Variants in DNM3 observed in about 807,000 individuals in gnomAD.
DNM3 encodes the protein dynamin-3.
A neutral mutation model predicts 101.6 loss-of-function variants in DNM3; 47 were observed. That is an observed-to-expected ratio of 0.46 (90% confidence interval 0.37 to 0.59). The LOEUF (loss-of-function observed/expected upper bound fraction) is 0.59, where lower values mean the gene tolerates loss of function less well. DNM3 is among the 20% of genes least tolerant of loss of function. DNM3 has a pLI of 0.00. For synonymous variants in DNM3, 385 were observed against 387.9 expected, an observed-to-expected ratio of 0.99 and a Z score of 0.09; for missense variants, 849 against 1,085.7, an observed-to-expected ratio of 0.78 and a Z score of 3.06.
intron 14 of DNM3, among the ~76,000 whole-genome samples, chr1:172,180,267 A>G (rs1481411336): frequency 2.6e-5 from 4 of 152,080 alleles, no homozygotes; most frequent in African/African-American, 9.7e-5. Context: ...TGTTTACTGC[A>G]TGCTAACCAA....
chr1:172,312,567 C>G (rs2065127614), intron 16 of DNM3, among the ~76,000 whole-genome samples: 1 of 152,114 alleles, frequency 6.6e-6, no homozygotes. Context: ...TTATGTCACT[C>G]ATATCAAAAT....
At chr1:171,880,985 T>A (rs1446741715) in intron 1 of DNM3, among the ~76,000 whole-genome samples, 3 of 152,200 alleles carry the variant, frequency 2.0e-5, no homozygotes, top group African/African-American at 7.2e-5. Context: ...ATTTTGTGGC[T>A]AATTTATTGG....
chr1:172,206,086 C>T (rs977223982), intron 14 of DNM3, among the ~76,000 whole-genome samples: 1 of 152,120 alleles, frequency 6.6e-6, no homozygotes, highest in Non-Finnish European at 1.5e-5. Context: ...CCACTGATTG[C>T]ATCAAATAAG....
intron 14 of DNM3, among the ~76,000 whole-genome samples, chr1:172,190,878 G>C (rs564911998): frequency 2.6e-4 from 39 of 152,164 alleles, no homozygotes; most frequent in Non-Finnish European, 5.0e-4. Context: ...ATTTTTTCTC[G>C]TAAATTTGTT....
In DNM3 at chr1:172,411,421, C is replaced by G; in HGVS notation, c.*3580C>G. 5 of 984,684 alleles carry G rather than the reference C, an allele frequency of 5.1e-6. No individual in the cohort carries two copies. Among genetic ancestry groups the G allele is most frequent in the Non-Finnish European group, 6.0e-6 (5 of 829,580 alleles). 61.0% of individuals were successfully genotyped at this position (984,684 alleles called of 1,614,324 possible). A position where few individuals can be genotyped will look rare whatever the true frequency, so the allele number is the denominator to read the frequency against. On this transcript the variant is annotated 3_prime_UTR_variant, in exon 21 of 21. Coordinates refer to ENST00000627582, the MANE Select transcript of DNM3 (RefSeq NM_015569.5). ...AATATTTTTCGGTAAGAAGTAAAAC[C>G]TCTGGAGACCTATCTTTAAGATCTC...
At chr1:172,266,565 G>A (rs532964978) in intron 15 of DNM3, among the ~76,000 whole-genome samples, 42 of 152,232 alleles carry the variant, frequency 2.8e-4, no homozygotes, top group African/African-American at 1.0e-3. Flanking sequence ...TCAAAACAAT[G>A]TTTAAGACAT....
At chr1:172,142,752 A>C (rs1044209156) in intron 14 of DNM3, among the ~76,000 whole-genome samples, 10 of 150,784 alleles carry the variant, frequency 6.6e-5, no homozygotes, top group Admixed American at 4.6e-4. Flanking sequence ...AAAAAAAAAA[A>C]CCCAGAAAAT....
At chr1:172,203,950 A>C (rs1008043664) in intron 14 of DNM3, among the ~76,000 whole-genome samples, 1 of 152,170 alleles carries the variant, frequency 6.6e-6, no homozygotes, top group Non-Finnish European at 1.5e-5. Context: ...CACATTTTTA[A>C]AGGTGAAAAG....
intron 2 of DNM3, among the ~76,000 whole-genome samples, chr1:171,955,285 C>T (rs1341995798): frequency 6.6e-6 from 1 of 152,130 alleles, no homozygotes; most frequent in Non-Finnish European, 1.5e-5. Context: ...GATAAATGTG[C>T]ACTTATAAAA....
chr1:172,299,351 A>G (rs530379047), intron 15 of DNM3, among the ~76,000 whole-genome samples: 1 of 152,336 alleles, frequency 6.6e-6, no homozygotes, highest in Admixed American at 6.5e-5. Context: ...ACTTCAGAAG[A>G]TCATGAAGAT....
At chr1:172,364,393 G>A (rs376021916) in intron 17 of DNM3, among the ~76,000 whole-genome samples, 104 of 151,854 alleles carry the variant, frequency 6.8e-4, no homozygotes, top group African/African-American at 2.5e-3. Flanking sequence ...AGGCAGTTAA[G>A]GAGTAATTAT....
intron 4 of DNM3, among the ~76,000 whole-genome samples, chr1:172,026,764 C>T (rs2048236323): frequency 6.6e-6 from 1 of 152,022 alleles, no homozygotes; most frequent in Non-Finnish European, 1.5e-5. Flanking sequence ...TGCCATTCTC[C>T]TGCCTCAGCC....
At chr1:172,338,324 A>G (rs547286614) in intron 17 of DNM3, among the ~76,000 whole-genome samples, 1 of 152,316 alleles carries the variant, frequency 6.6e-6, no homozygotes, top group South Asian at 2.1e-4. Flanking sequence ...TACAAAAGCT[A>G]TGACTATTTT....
chr1:172,339,635 G>A (rs2066600667), intron 17 of DNM3, among the ~76,000 whole-genome samples: 1 of 152,134 alleles, frequency 6.6e-6, no homozygotes. Flanking sequence ...ATCTTCCTGA[G>A]TCACCTCCCA....
At chr1:172,026,602 G>C (rs180921421) in intron 4 of DNM3, among the ~76,000 whole-genome samples, 1 of 151,658 alleles carries the variant, frequency 6.6e-6, no homozygotes, top group African/African-American at 2.4e-5. Context: ...ACTAACAGCA[G>C]ATCTCTCTAC....
intron 2 of DNM3, among the ~76,000 whole-genome samples, chr1:171,943,027 A>G (rs2041922491): frequency 6.6e-6 from 1 of 152,092 alleles, no homozygotes; most frequent in South Asian, 2.1e-4. Context: ...TCAGGGGACC[A>G]CTTGAGCCTG....
intron 14 of DNM3, among the ~76,000 whole-genome samples, chr1:172,166,002 C>T (rs969222471): frequency 2.6e-5 from 4 of 151,872 alleles, no homozygotes; most frequent in Admixed American, 6.6e-5. Flanking sequence ...TTCTTGTTTC[C>T]CCCTGGCCAG....
intron 14 of DNM3, among the ~76,000 whole-genome samples, chr1:172,194,378 T>C (rs1481085274): frequency 2.6e-5 from 4 of 152,140 alleles, no homozygotes; most frequent in Non-Finnish European, 5.9e-5. Context: ...CTATTAGGTC[T>C]GCTTGGTGCA....
rs199969642 is a variant in DNM3, at chr1:171,948,465, AG to A, written c.235+26647del. Among the ~76,000 whole-genome samples, 979 of 152,276 alleles carry A rather than the reference AG, an allele frequency of 6.4e-3. 16 individuals are homozygous for A. Among genetic ancestry groups the A allele is most frequent in the African/African-American group, 0.021 (890 of 41,550 alleles). Reference sequence around the variant, plus strand: ...AGGTTTTTGGGTGCTTGAGAATGGAAGGGTGATATTGTAAACTGTCAAATGG... The same window carrying A: ...AGGTTTTTGGGTGCTTGAGAATGGAAGGTGATATTGTAAACTGTCAAATGG... On this transcript the variant is annotated intron_variant, in intron 2 of 20. Transcript: ENST00000627582.
Sources: allele counts gnomAD v4.1 joint callset (sites outside exome capture counted in the v4.1 genomes callset), GRCh38; gene constraint gnomAD v4.1.1; transcripts MANE v1.5; gene names NCBI Gene and HGNC (gene_info 2026-07-23, HGNC 2026-07-21).